The following PCDHA4 variants were observed in gnomAD, a reference collection of about 807,000 sequenced individuals.
PCDHA4 encodes the protein protocadherin alpha 4.
In PCDHA4, 49 loss-of-function variants were observed where a neutral mutation model predicts 61.4. The ratio of observed to expected loss-of-function variants is 0.80; its 90% confidence interval spans 0.63 to 1.01. The LOEUF is 1.01. Among genes scored for constraint, PCDHA4 ranks in the 50% least tolerant of loss-of-function variants. The pLI is 0.00. For missense variants in PCDHA4, 1,254 were observed against 1,235.8 expected (o/e 1.01, Z -0.22); for synonymous variants, 590 against 550.3 (o/e 1.07, Z -1.01).
chr5:140,949,659 T>A (rs940241933), intron 1 of PCDHA4, among the ~76,000 whole-genome samples: 12 of 151,994 alleles, frequency 7.9e-5, no homozygotes, highest in Middle Eastern at 6.8e-3. Context: ...TACTTTTGTT[T>A]CTTTAAAGTA....
intron 1 of PCDHA4, chr5:140,876,827 C>T (rs1554168978): frequency 6.2e-7 from 1 of 1,614,182 alleles, no homozygotes; most frequent in Admixed American, 1.7e-5. Context: ...AACGACAATG[C>T]GCCTGCGTTC....
chr5:140,995,113 A>T (rs560699104), intron 3 of PCDHA4, among the ~76,000 whole-genome samples: 1 of 152,370 alleles, frequency 6.6e-6, no homozygotes, highest in East Asian at 1.9e-4. Flanking sequence ...CAAGACCCTC[A>T]GTGGATGCCT....
intron 1 of PCDHA4, chr5:140,849,931 C>T (rs2150458140): frequency 1.9e-6 from 3 of 1,598,012 alleles, no homozygotes; most frequent in Non-Finnish European, 1.7e-6. Flanking sequence ...ACGGTGTCTG[C>T]GCGGGACGCT....
Position 140,807,087 on chromosome 5 carries a change from TG to T in PCDHA4, c.-100del. 1 of 1,343,050 alleles carries T rather than the reference TG, an allele frequency of 7.4e-7. No individual in the cohort carries two copies. The highest frequency in any genetic ancestry group is 1.0e-6 in the Non-Finnish European group (1 of 973,584). The allele number at this position is 1,343,050 out of a possible 1,614,324, so 83.2% of individuals were successfully genotyped here. On this transcript the variant is annotated 5_prime_UTR_variant, in exon 1 of 4. Transcript: ENST00000530339. ...GGAACCATATACACTCTTTGGAGTCTGAAATATGGAGGATGCAGCTGCACTT... is the reference window on the plus strand; with the variant it reads ...GGAACCATATACACTCTTTGGAGTCTAAATATGGAGGATGCAGCTGCACTT...
chr5:140,896,561 G>C (rs1562891119), intron 1 of PCDHA4, among the ~76,000 whole-genome samples: 2 of 150,758 alleles, frequency 1.3e-5, no homozygotes, highest in Non-Finnish European at 2.9e-5. Flanking sequence ...ATTTTAAGTA[G>C]AGATGGGGTT....
At chr5:140,855,988 C>T (rs1554148065) in intron 1 of PCDHA4, 4 of 1,481,966 alleles carry the variant, frequency 2.7e-6, no homozygotes, top group African/African-American at 1.4e-5. Flanking sequence ...CAGAAAATGT[C>T]AGATCGTATG....
chr5:140,884,472 G>A (rs1382253304), intron 1 of PCDHA4: 2 of 1,613,830 alleles, frequency 1.2e-6, no homozygotes, highest in Non-Finnish European at 1.7e-6. Flanking sequence ...TGCGCGCCGG[G>A]CAAGCCCACT....
intron 2 of PCDHA4, chr5:140,982,223 TA>T: frequency 5.2e-6 from 3 of 580,212 alleles, no homozygotes; most frequent in East Asian, 4.0e-5. Context: ...ATGGCGTTAA[TA>T]AAAAACAGAA....
In PCDHA4 at chr5:141,009,880, C is replaced by G; in HGVS notation, c.2787C>G (p.Asn929Lys). The G allele has an allele frequency of 6.2e-7, 1 of 1,613,788 alleles. No individual in the cohort carries two copies. The highest frequency in any genetic ancestry group is 1.1e-5 in the South Asian group (1 of 91,042). The change falls in exon 4 of 4, where the codon AAC (asparagine) becomes AAG (lysine). Residue 929 changes from asparagine to lysine, a missense_variant. By Grantham distance (94) the Asn-to-Lys change is moderately conservative. Transcript: ENST00000530339. ...TKKKKKKKKGNKTQEKKEKGN... is the reference protein window; with the variant it reads ...TKKKKKKKKGKKTQEKKEKGN... ...AAAAGAAGAAAAAGAAGAAGGGTAA[C>G]AAGACCCAGGAGAAAAAAGAGAAAG...
chr5:140,877,087 G>C lies in PCDHA4; in HGVS notation c.2385+67515G>C. On this transcript the variant is annotated intron_variant, in intron 1 of 3. Transcript: ENST00000530339. ...GCTGCAGTTCCAGGTGAGCGCGCGC[G>C]ACGCCGGCGTGCCGCCTCTGGGCAG... 2.5e-6 allele frequency: 4 copies of C among 1,613,212 alleles called. No homozygotes were observed. The South Asian group carries it at 3.3e-5, about 13-fold the overall frequency.
In PCDHA4 at chr5:140,822,776, AAGT is replaced by A. The variant is rs2150119362; in HGVS notation, c.2385+13211_2385+13213del. On this transcript the variant is annotated intron_variant, in intron 1 of 3. Coordinates refer to ENST00000530339, the MANE Select transcript of PCDHA4 (RefSeq NM_018907.4). ...ACATTCCCATTATCAGGACACTGTA[AAGT>A]AGTAGTGAAACTCCTGGATGTGAAT... The A allele has an allele frequency of 3.7e-6, 6 of 1,614,134 alleles. No individual in the cohort carries two copies. In the South Asian group the frequency reaches 6.6e-5, roughly 18 times the overall value.
At position 140,823,008 on chromosome 5, in the gene PCDHA4, C is replaced by T. The variant is rs146843767; in HGVS notation, c.2385+13436C>T. 1.9e-4 allele frequency: 303 copies of T among 1,614,232 alleles called. 1 individual carries two copies. The African/African-American group carries it at 3.5e-3, about 18-fold the overall frequency. On this transcript the variant is annotated intron_variant, in intron 1 of 3. Coordinates refer to ENST00000530339, the MANE Select transcript of PCDHA4 (RefSeq NM_018907.4). ...ACTACTCGTTGGTGCTGGACAGCGCCCTGGACCGCGAGAGCGTGTCGGTCT... is the reference window on the plus strand; with the variant it reads ...ACTACTCGTTGGTGCTGGACAGCGCTCTGGACCGCGAGAGCGTGTCGGTCT...
intron 1 of PCDHA4, among the ~76,000 whole-genome samples, chr5:140,903,060 T>C (rs1412957275): frequency 6.6e-6 from 1 of 152,316 alleles, no homozygotes; most frequent in East Asian, 1.9e-4. Flanking sequence ...TGACTTCTTT[T>C]CCTTTGGGTA....
chr5:140,870,388 G>T, intron 1 of PCDHA4: 1 of 1,614,232 alleles, frequency 6.2e-7, no homozygotes. Context: ...TGCGCGGGAT[G>T]GGGGTTCGCC....
At chr5:140,920,239 A>G (rs1584173491) in intron 1 of PCDHA4, among the ~76,000 whole-genome samples, 1 of 152,356 alleles carries the variant, frequency 6.6e-6, no homozygotes, top group Middle Eastern at 3.4e-3. Context: ...TATATACCCA[A>G]CAATACATCG....
rs782597550 is a variant in PCDHA4 at position 140,934,018 on chromosome 5, TG to T, written c.2386-44929del. ...ACCTCTCATTTTTCTTGACTAGACTTGGAAGTAGTTTATTAATGATATTAGT... is the reference window on the plus strand; with the variant it reads ...ACCTCTCATTTTTCTTGACTAGACTTGAAGTAGTTTATTAATGATATTAGT... On this transcript the variant is annotated intron_variant, in intron 1 of 3. Coordinates refer to ENST00000530339, the MANE Select transcript of PCDHA4 (RefSeq NM_018907.4). Among the ~76,000 whole-genome samples the T allele has an allele frequency of 2.6e-4, 40 of 152,182 alleles. 1 individual carries two copies. The highest frequency in any genetic ancestry group is 3.4e-3 in the Middle Eastern group (1 of 294).
intron 1 of PCDHA4, chr5:140,966,616 G>A: frequency 1.3e-6 from 1 of 788,372 alleles, no homozygotes; most frequent in South Asian, 2.7e-5. Context: ...AGGGCCTACG[G>A]AGGGAGCGGC....
chr5:140,836,129 G>A (rs2150253536), intron 1 of PCDHA4: 3 of 1,613,716 alleles, frequency 1.9e-6, no homozygotes, highest in Non-Finnish European at 2.5e-6. Flanking sequence ...AGCTTGTGCC[G>A]CGGTCTGTGG....
intron 1 of PCDHA4, among the ~76,000 whole-genome samples, chr5:140,881,731 T>C (rs1457530470): frequency 6.6e-6 from 1 of 152,224 alleles, no homozygotes; most frequent in Non-Finnish European, 1.5e-5. Flanking sequence ...TGAAAAATAT[T>C]ACAGGAAGAG....
Sources: allele counts gnomAD v4.1 joint callset (sites outside exome capture counted in the v4.1 genomes callset), GRCh38; gene constraint gnomAD v4.1.1; transcripts MANE v1.5; gene names NCBI Gene and HGNC (gene_info 2026-07-23, HGNC 2026-07-21).